SH3GL2: variants seen among roughly 807,000 people sequenced by gnomAD.
The protein encoded by SH3GL2 is endophilin-A1.
In SH3GL2, 24 loss-of-function variants were observed where a neutral mutation model predicts 46.0. That is an observed-to-expected ratio of 0.52 (90% CI 0.38 to 0.73). SH3GL2 has a LOEUF of 0.73. Among genes scored for constraint, SH3GL2 ranks in the 30% least tolerant of loss-of-function variants. The pLI is 0.00. For synonymous variants in SH3GL2, 196 were observed against 147.1 expected, an observed-to-expected ratio of 1.33 and a Z score of -2.40; for missense variants, 413 against 424.2, an observed-to-expected ratio of 0.97 and a Z score of 0.23.
chr9:17,637,357 GA>G (rs1330189837), intron 1 of SH3GL2, among the ~76,000 whole-genome samples: 9 of 152,110 alleles, frequency 5.9e-5, no homozygotes, highest in Admixed American at 5.9e-4. Context: ...TCTTACATAA[GA>G]GGCTGTTTTA....
chr9:17,791,160 A>T lies in SH3GL2; in HGVS notation c.625-71A>T, dbSNP rs535318025. The T allele has an allele frequency of 2.4e-5, 26 of 1,083,040 alleles. 1 individual carries two copies. In the South Asian group the frequency reaches 3.2e-4, roughly 13 times the overall value. The allele number at this position is 1,083,040 out of a possible 1,614,324, so 67.1% of individuals were successfully genotyped here. ...TGTTGAGGGCAGCCCTGGTGTATGT[A>T]TGAAACAGTAGTGGCTGTTTAGGGA... On this transcript the variant is annotated intron_variant, in intron 6 of 8. Coordinates refer to ENST00000380607, the MANE Select transcript of SH3GL2 (RefSeq NM_003026.5).
chr9:17,688,557 G>A (rs938028268), intron 1 of SH3GL2, among the ~76,000 whole-genome samples: 2 of 151,962 alleles, frequency 1.3e-5, no homozygotes, highest in African/African-American at 4.8e-5. Context: ...AGGAACCAGG[G>A]CACCTCGGAG....
At chr9:17,738,031 T>G (rs548387717) in intron 1 of SH3GL2, among the ~76,000 whole-genome samples, 1 of 152,240 alleles carries the variant, frequency 6.6e-6, no homozygotes, top group East Asian at 1.9e-4. Context: ...TTCTGTACTT[T>G]GGTTAATGTA....
chr9:17,704,447 A>C lies in SH3GL2; in HGVS notation c.46-42619A>C, dbSNP rs543975045. Among the ~76,000 whole-genome samples, 3 of 152,152 alleles carry C rather than the reference A, an allele frequency of 2.0e-5. No individual in the cohort carries two copies. In the East Asian group the frequency reaches 5.8e-4, roughly 29 times the overall value. On this transcript the variant is annotated intron_variant, in intron 1 of 8. Transcript: ENST00000380607. ...CAGAATTAGAAAAAAAAAATATTAG[A>C]ACTCCTATGGAATCAAAAAGCCTGA...
At chr9:17,608,764 C>T (rs557519116) in intron 1 of SH3GL2, among the ~76,000 whole-genome samples, 3 of 152,144 alleles carry the variant, frequency 2.0e-5, no homozygotes, top group East Asian at 1.9e-4. Flanking sequence ...AGTTATGAAC[C>T]GGATTTGAGG....
At chr9:17,749,795 G>A (rs1328333702) in intron 2 of SH3GL2, among the ~76,000 whole-genome samples, 2 of 152,158 alleles carry the variant, frequency 1.3e-5, no homozygotes, top group Non-Finnish European at 2.9e-5. Flanking sequence ...AATCCTCCAA[G>A]CATTTTACTT....
chr9:17,678,812 G>A (rs753351817), intron 1 of SH3GL2, among the ~76,000 whole-genome samples: 4 of 152,118 alleles, frequency 2.6e-5, no homozygotes, highest in African/African-American at 4.8e-5. Context: ...TTTTGTATAA[G>A]GTGTAAGGAA....
chr9:17,707,148 A>G (rs940168633), intron 1 of SH3GL2, among the ~76,000 whole-genome samples: 13 of 152,032 alleles, frequency 8.6e-5, no homozygotes, highest in Admixed American at 6.6e-4. Flanking sequence ...CCTGACTGCA[A>G]CACACACATG....
intron 1 of SH3GL2, among the ~76,000 whole-genome samples, chr9:17,667,734 C>G (rs1325638220): frequency 6.6e-6 from 1 of 152,124 alleles, no homozygotes; most frequent in East Asian, 1.9e-4. Context: ...TACTGCCAGA[C>G]TGTTTTCCAA....
At chr9:17,787,093 C>T (rs1359648451) in intron 4 of SH3GL2, among the ~76,000 whole-genome samples, 1 of 152,168 alleles carries the variant, frequency 6.6e-6, no homozygotes, top group East Asian at 1.9e-4. Context: ...TTGCCTTAAG[C>T]TAGTCCCACA....
At chr9:17,712,075 C>T (rs1028641346) in intron 1 of SH3GL2, among the ~76,000 whole-genome samples, 1 of 151,660 alleles carries the variant, frequency 6.6e-6, no homozygotes, top group African/African-American at 2.4e-5. Flanking sequence ...TGATGTTGAG[C>T]GTCTTTTTAT....
intron 1 of SH3GL2, among the ~76,000 whole-genome samples, chr9:17,695,310 G>C (rs1450681812): frequency 6.6e-6 from 1 of 152,136 alleles, no homozygotes; most frequent in Non-Finnish European, 1.5e-5. Flanking sequence ...CATCAGAGAG[G>C]AACTTGGGAT....
At chr9:17,743,249 G>T (rs1173186859) in intron 1 of SH3GL2, among the ~76,000 whole-genome samples, 2 of 152,190 alleles carry the variant, frequency 1.3e-5, no homozygotes, top group South Asian at 4.2e-4. Context: ...TAAATTCGGG[G>T]CCTTGATATA....
intron 1 of SH3GL2, among the ~76,000 whole-genome samples, chr9:17,614,295 GAAAAAAAAAAAA>G (rs3084628): frequency 7.1e-5 from 5 of 70,300 alleles, no homozygotes; most frequent in Admixed American, 2.1e-4. Context: ...CATGGTTTCT[GAAAAAAAAAAAA>G]AAAAAAAAAA....
intron 3 of SH3GL2, among the ~76,000 whole-genome samples, chr9:17,762,925 A>G (rs1176886462): frequency 6.6e-6 from 1 of 152,142 alleles, no homozygotes; most frequent in East Asian, 1.9e-4. Flanking sequence ...AGGGGCAAGA[A>G]GTTTTGGTCT....
chr9:17,585,288 G>A (rs1297352939), intron 1 of SH3GL2, among the ~76,000 whole-genome samples: 1 of 152,158 alleles, frequency 6.6e-6, no homozygotes, highest in Non-Finnish European at 1.5e-5. Flanking sequence ...ACTTTAAGGT[G>A]GATACCTGAT....
At chr9:17,640,420 A>G (rs911305015) in intron 1 of SH3GL2, among the ~76,000 whole-genome samples, 1 of 152,046 alleles carries the variant, frequency 6.6e-6, no homozygotes, top group South Asian at 2.1e-4. Context: ...CAAGGGCATT[A>G]TTTCTACTAT....
At chr9:17,784,819 C>G (rs1823908484) in intron 3 of SH3GL2, among the ~76,000 whole-genome samples, 1 of 152,192 alleles carries the variant, frequency 6.6e-6, no homozygotes, top group South Asian at 2.1e-4. Context: ...CTTGAGCAAT[C>G]TTTCCACGTC....
intron 5 of SH3GL2, among the ~76,000 whole-genome samples, chr9:17,788,389 G>A (rs1824023119): frequency 6.6e-6 from 1 of 152,076 alleles, no homozygotes; most frequent in Admixed American, 6.6e-5. Flanking sequence ...AGGGGCGGGG[G>A]ATGCAGTGTG....
Sources: gnomAD v4.1 joint callset for allele counts (sites outside exome capture counted in the v4.1 genomes callset) on GRCh38, gnomAD v4.1.1 for gene constraint, MANE v1.5 for transcripts, NCBI Gene and HGNC (gene_info 2026-07-23, HGNC 2026-07-21) for gene names.